The following ARHGAP42 variants were observed in gnomAD, a reference collection of about 807,000 sequenced individuals.
ARHGAP42 encodes rho GTPase-activating protein 42.
A neutral mutation model predicts 125.0 loss-of-function variants in ARHGAP42; 63 were observed. The observed-to-expected ratio is 0.50, with a 90% CI of 0.41 to 0.62. The LOEUF is 0.62. Ranked by LOEUF, ARHGAP42 falls within the 20% of genes least tolerant of loss-of-function variation. ARHGAP42 has a pLI of 0.00. For missense variants in ARHGAP42, 766 were observed against 1,024.2 expected, an observed-to-expected ratio of 0.75 and a Z score of 3.44; for synonymous variants, 339 against 351.0, an observed-to-expected ratio of 0.97 and a Z score of 0.38.
chr11:100,992,733 A>T lies in ARHGAP42; in HGVS notation c.*3932A>T, dbSNP rs1565311758. ...TTAGAGGATCAAATCAATAAATTGG[A>T]TTTTTTATTTTTTGAGGGCAGCTGC... On this transcript the variant is annotated 3_prime_UTR_variant, in exon 24 of 24. Coordinates refer to ENST00000298815, the MANE Select transcript of ARHGAP42 (RefSeq NM_152432.4). 4 of 1,525,980 alleles carry T rather than the reference A, an allele frequency of 2.6e-6. No homozygotes were observed. The highest frequency in any genetic ancestry group is 4.5e-5 in the Admixed American group (2 of 44,736). 94.5% of individuals were successfully genotyped at this position (1,525,980 alleles called of 1,614,324 possible).
At chr11:100,728,403 C>T (rs557564515) in intron 1 of ARHGAP42, among the ~76,000 whole-genome samples, 4 of 152,114 alleles carry the variant, frequency 2.6e-5, no homozygotes, top group African/African-American at 9.6e-5. Flanking sequence ...GAAAGTCTTC[C>T]CCTGAGAGAG....
At chr11:100,923,736 A>G (rs572372449) in intron 6 of ARHGAP42, among the ~76,000 whole-genome samples, 2 of 152,212 alleles carry the variant, frequency 1.3e-5, no homozygotes, top group Admixed American at 6.5e-5. Flanking sequence ...ATGACACCAC[A>G]GTCAAAATTG....
chr11:100,910,154 C>T (rs1456831583), intron 4 of ARHGAP42, among the ~76,000 whole-genome samples: 2 of 152,126 alleles, frequency 1.3e-5, no homozygotes, highest in African/African-American at 4.8e-5. Flanking sequence ...AGAACTAATT[C>T]ACCGTTTTTG....
At chr11:100,852,602 G>T (rs1865229646) in intron 3 of ARHGAP42, among the ~76,000 whole-genome samples, 2 of 152,114 alleles carry the variant, frequency 1.3e-5, no homozygotes, top group African/African-American at 4.8e-5. Flanking sequence ...CCCACTCTAA[G>T]TTAGGGGTTA....
In ARHGAP42 at chr11:100,989,909, A is replaced by G. The variant is rs1431793566; in HGVS notation, c.*1108A>G. On this transcript the variant is annotated 3_prime_UTR_variant, in exon 24 of 24. Coordinates refer to ENST00000298815, the MANE Select transcript of ARHGAP42 (RefSeq NM_152432.4). ...CACAAAGGTACAAGATCCTTAAATT[A>G]TTTTGAACCACAGAGGTTGAAATTG... 3 of 152,216 alleles carry G rather than the reference A, an allele frequency of 2.0e-5. No individual in the cohort carries two copies. The highest frequency in any genetic ancestry group is 2.0e-4 in the Admixed American group (3 of 15,280). The allele number at this position is 152,216 out of a possible 1,614,324, so 9.4% of individuals were successfully genotyped here.
At chr11:100,903,711 T>A (rs376296743) in intron 4 of ARHGAP42, among the ~76,000 whole-genome samples, 2,753 of 11,728 alleles carry the variant, frequency 0.23, 110 homozygotes, top group African/African-American at 0.33. Flanking sequence ...TCCCTCAAAA[T>A]ATATATATAT....
chr11:100,903,733 T>A (rs1167387329), intron 4 of ARHGAP42, among the ~76,000 whole-genome samples: 1,406 of 104,722 alleles, frequency 0.013, 84 homozygotes, highest in South Asian at 0.042. Flanking sequence ...TATATATATA[T>A]ATATATATAT....
intron 2 of ARHGAP42, among the ~76,000 whole-genome samples, chr11:100,794,363 C>A (rs1264495424): frequency 6.6e-6 from 1 of 152,024 alleles, no homozygotes; most frequent in Non-Finnish European, 1.5e-5. Flanking sequence ...TTAAATTGTT[C>A]TTCTTGTTCA....
intron 3 of ARHGAP42, among the ~76,000 whole-genome samples, chr11:100,850,470 T>G (rs11224484): frequency 0.026 from 4,003 of 152,268 alleles, 84 homozygotes; most frequent in Middle Eastern, 0.061. Flanking sequence ...TTCAGCTCCA[T>G]TATAATCTTA....
intron 6 of ARHGAP42, among the ~76,000 whole-genome samples, chr11:100,929,171 T>A (rs1867508459): frequency 6.6e-6 from 1 of 152,082 alleles, no homozygotes; most frequent in South Asian, 2.1e-4. Flanking sequence ...CCACTTCAGA[T>A]CATCAGGCAT....
chr11:100,981,584 A>AC (rs1028611166), intron 22 of ARHGAP42, among the ~76,000 whole-genome samples: 8 of 152,038 alleles, frequency 5.3e-5, no homozygotes, highest in Non-Finnish European at 7.4e-5. Context: ...CGGAAAAGTA[A>AC]CCCCCCCAGC....
At chr11:100,951,028 T>C (rs17647243) in intron 12 of ARHGAP42, among the ~76,000 whole-genome samples, 14,052 of 152,044 alleles carry the variant, frequency 0.092, 937 homozygotes, top group Non-Finnish European at 0.13. Flanking sequence ...CCCTGACATT[T>C]AGATTGCTGT....
At chr11:100,740,669 C>A (rs1313149735) in intron 1 of ARHGAP42, among the ~76,000 whole-genome samples, 1 of 152,098 alleles carries the variant, frequency 6.6e-6, no homozygotes, top group East Asian at 1.9e-4. Flanking sequence ...GGGATGGTGC[C>A]AGCAGTTGCA....
intron 1 of ARHGAP42, among the ~76,000 whole-genome samples, chr11:100,712,072 A>G (rs763583007): frequency 4.6e-5 from 7 of 152,188 alleles, no homozygotes; most frequent in Non-Finnish European, 8.8e-5. Context: ...TTTCTACAGC[A>G]GGTAATATTG....
intron 3 of ARHGAP42, among the ~76,000 whole-genome samples, chr11:100,799,989 A>AG (rs1863813552): frequency 6.6e-6 from 1 of 152,208 alleles, no homozygotes; most frequent in Admixed American, 6.5e-5. Context: ...AGAACAGCCA[A>AG]GGGGGTAAGT....
At chr11:100,906,143 A>G (rs1423808879) in intron 4 of ARHGAP42, among the ~76,000 whole-genome samples, 1 of 152,172 alleles carries the variant, frequency 6.6e-6, no homozygotes, top group Non-Finnish European at 1.5e-5. Flanking sequence ...AAAACTGAAA[A>G]AATTCCTGTT....
intron 3 of ARHGAP42, among the ~76,000 whole-genome samples, chr11:100,841,370 G>A (rs1403810883): frequency 3.3e-5 from 5 of 151,914 alleles, no homozygotes; most frequent in South Asian, 2.1e-4. Context: ...CAATTTAGGG[G>A]CAGAACTTCC....
chr11:100,814,508 T>C (rs553977642), intron 3 of ARHGAP42, among the ~76,000 whole-genome samples: 36 of 152,274 alleles, frequency 2.4e-4, no homozygotes, highest in African/African-American at 8.7e-4. Flanking sequence ...AAGAAATACA[T>C]GAGACTGGGT....
chr11:100,962,765 G>A (rs932565223), intron 16 of ARHGAP42, among the ~76,000 whole-genome samples: 6 of 152,030 alleles, frequency 3.9e-5, no homozygotes, highest in African/African-American at 1.5e-4. Context: ...AATCCCAGCT[G>A]CTCGGGAAGC....
Sources: allele counts gnomAD v4.1 joint callset (sites outside exome capture counted in the v4.1 genomes callset), GRCh38; gene constraint gnomAD v4.1.1; transcripts MANE v1.5; gene names NCBI Gene and HGNC (gene_info 2026-07-23, HGNC 2026-07-21).